The following ADAP1 variants were observed in gnomAD, a reference collection of about 807,000 sequenced individuals.
The protein encoded by ADAP1 is arf-GAP with dual PH domain-containing protein 1.
In ADAP1, 31 loss-of-function variants were observed where a neutral mutation model predicts 54.9. The ratio of observed to expected loss-of-function variants is 0.56; its 90% CI spans 0.42 to 0.76. The LOEUF (loss-of-function observed/expected upper bound fraction) is 0.76, where lower values mean the gene tolerates loss of function less well. ADAP1 is among the 30% of genes least tolerant of loss of function. The pLI, the probability that ADAP1 is intolerant of heterozygous loss-of-function variation, is 0.00. For synonymous variants in ADAP1, 313 were observed against 202.6 expected (o/e 1.55, Z -4.63); for missense variants, 535 against 512.4 (o/e 1.04, Z -0.42).
Position 928,559 on chromosome 7 carries a change from G to A in ADAP1, c.214-1915C>T, listed in dbSNP as rs555970335. On this transcript the variant is annotated intron_variant, in intron 2 of 10. Transcript: ENST00000265846. ...CCTAAAAATGGGGAAGGATTTGATC[G>A]GACATTTCTCCAAAGAAGATGCACA... Among the ~76,000 whole-genome samples the A allele has an allele frequency of 1.4e-4, 22 of 152,298 alleles. No homozygotes were observed. The South Asian group carries it at 3.3e-3, about 23-fold the overall frequency.
intron 1 of ADAP1, among the ~76,000 whole-genome samples, chr7:950,874 A>C (rs1399647289): frequency 1.3e-5 from 2 of 151,096 alleles, no homozygotes; most frequent in East Asian, 3.9e-4. Context: ...AAAAAAAAAA[A>C]AAAACAAGAA....
At position 905,278 on chromosome 7, in the gene ADAP1, ACACGGAC is replaced by A. The variant is rs1562911090; in HGVS notation, c.389-113_389-107del. ...GGGACATGGGGAGAAGACACGGGGG[ACACGGAC>A]GGGGGACACGGACAGGGGGAGACGG... is the stretch of plus-strand genomic sequence containing the variant. On this transcript the variant is annotated intron_variant, in intron 4 of 10. Coordinates refer to ENST00000265846, the MANE Select transcript of ADAP1 (RefSeq NM_006869.4). The A allele has an allele frequency of 2.3e-4, 80 of 350,186 alleles. 11 individuals carry two copies. The African/African-American group carries it at 4.9e-3, about 21-fold the overall frequency. 21.7% of individuals were successfully genotyped at this position (350,186 alleles called of 1,614,324 possible).
intron 1 of ADAP1, among the ~76,000 whole-genome samples, chr7:949,022 G>A (rs1583191124): frequency 1.3e-5 from 2 of 152,022 alleles, no homozygotes; most frequent in South Asian, 4.2e-4. Context: ...CTCTACCCTC[G>A]GCCCTCCTTG....
intron 3 of ADAP1, among the ~76,000 whole-genome samples, chr7:924,673 G>C (rs181511646): frequency 6.6e-6 from 1 of 150,704 alleles, no homozygotes; most frequent in East Asian, 2.0e-4. Context: ...GTGGGTGTCA[G>C]CCCTGGGAGT....
intron 1 of ADAP1, among the ~76,000 whole-genome samples, chr7:952,836 A>T (rs1847303767): frequency 6.6e-6 from 1 of 152,114 alleles, no homozygotes; most frequent in African/African-American, 2.4e-5. Context: ...ACGGCAGAGA[A>T]CAGCTCTGGG....
chr7:920,225 G>T lies in ADAP1; in HGVS notation c.306-175C>A, dbSNP rs111833505. On this transcript the variant is annotated intron_variant, in intron 3 of 10. Coordinates refer to ENST00000265846, the MANE Select transcript of ADAP1 (RefSeq NM_006869.4). The surrounding 1 kb of genome is among the most constrained non-coding windows in gnomAD (Gnocchi z 4.5). ...GAAATGCAGGGTCAGCCTCCTGCCC[G>T]GGACGCTTCTCACTCTGATATTAGT... 0.011 allele frequency among the ~76,000 whole-genome samples: 1,636 copies of T among 152,220 alleles called. 29 individuals carry two copies. Among genetic ancestry groups the T allele is most frequent in the African/African-American group, 0.038 (1,577 of 41,520 alleles).
At chr7:929,461 G>A (rs533105497) in intron 2 of ADAP1, among the ~76,000 whole-genome samples, 3 of 148,838 alleles carry the variant, frequency 2.0e-5, no homozygotes, top group African/African-American at 5.0e-5. Context: ...TGGGAGGATC[G>A]CTTGAGCCTG....
chr7:910,270 C>CA, intron 4 of ADAP1, among the ~76,000 whole-genome samples: 1 of 145,194 alleles, frequency 6.9e-6, no homozygotes. Flanking sequence ...GTTTACGAGG[C>CA]TTTTTTTTTT....
At chr7:903,731 A>G (rs2128634881) in intron 6 of ADAP1, among the ~76,000 whole-genome samples, 1 of 152,136 alleles carries the variant, frequency 6.6e-6, no homozygotes, top group Admixed American at 6.5e-5. Flanking sequence ...GCTACCGTCC[A>G]CATCTCCTCC....
Position 920,073 on chromosome 7 carries a change from G to T in ADAP1, c.306-23C>A. The T allele has an allele frequency of 6.2e-7, 1 of 1,600,350 alleles. No homozygotes were observed. ...AGCCTGTGGGGAGAGGAGAGACTGA[G>T]CCACTGGGCCAAGGCGGCCTCCGAC... On this transcript the variant is annotated intron_variant, in intron 3 of 10. Coordinates refer to ENST00000265846, the MANE Select transcript of ADAP1 (RefSeq NM_006869.4). This position sits in a 1 kb window ranked among gnomAD's most constrained non-coding sequence, Gnocchi z 4.5.
intron 4 of ADAP1, among the ~76,000 whole-genome samples, chr7:915,934 T>C (rs139409047): frequency 2.5e-4 from 36 of 145,174 alleles, no homozygotes; most frequent in East Asian, 5.0e-4. Flanking sequence ...TTCCACGAGA[T>C]GCCGTCTGCC....
intron 4 of ADAP1, among the ~76,000 whole-genome samples, chr7:905,840 GA>G (rs1415837911): frequency 1.9e-5 from 1 of 53,184 alleles, no homozygotes; most frequent in Non-Finnish European, 4.8e-5. Flanking sequence ...AGGGAGAAGG[GA>G]GAAGGGAGAA....
chr7:911,793 G>C (rs1261250660), intron 4 of ADAP1, among the ~76,000 whole-genome samples: 9 of 145,266 alleles, frequency 6.2e-5, no homozygotes, highest in African/African-American at 1.8e-4. Context: ...GGGTCCCACG[G>C]AGGGCCAGGA....
intron 1 of ADAP1, among the ~76,000 whole-genome samples, chr7:940,328 T>A (rs1846908929): frequency 9.4e-6 from 1 of 106,580 alleles, no homozygotes; most frequent in Admixed American, 9.2e-5. Context: ...TCACAGACCC[T>A]GTCACACACA....
At chr7:910,040 C>T (rs899162549) in intron 4 of ADAP1, among the ~76,000 whole-genome samples, 1 of 151,648 alleles carries the variant, frequency 6.6e-6, no homozygotes, top group African/African-American at 2.4e-5. Context: ...TCGCCATGAC[C>T]CACGAGAACG....
intron 4 of ADAP1, among the ~76,000 whole-genome samples, chr7:915,343 A>G (rs4596552): frequency 0.43 from 65,778 of 152,044 alleles, 14,912 homozygotes; most frequent in East Asian, 0.63. Flanking sequence ...CCTCACACCC[A>G]TCCAGGGGAG....
At position 926,834 on chromosome 7, in the gene ADAP1, T is replaced by C. The variant is rs541231378; in HGVS notation, c.214-190A>G. ...CATTTCTGAGTGATCGACCCTCCCC[T>C]GGGACAGGGAAGGAGCCAGCGTCCC... On this transcript the variant is annotated intron_variant, in intron 2 of 10. Transcript: ENST00000265846. The surrounding 1 kb of genome is among the most constrained non-coding windows in gnomAD (Gnocchi z 4.6). 2.9e-4 allele frequency: 216 copies of C among 757,174 alleles called. No individual in the cohort carries two copies. The South Asian group carries it at 4.3e-3, about 15-fold the overall frequency. The allele number at this position is 757,174 out of a possible 1,614,324, so 46.9% of individuals were successfully genotyped here. A position where few individuals can be genotyped will look rare whatever the true frequency, so the allele number is the denominator to read the frequency against.
At chr7:923,998 A>G (rs2128105996) in intron 3 of ADAP1, among the ~76,000 whole-genome samples, 1 of 151,950 alleles carries the variant, frequency 6.6e-6, no homozygotes, top group African/African-American at 2.4e-5. Context: ...ACAAAATGGC[A>G]GGATGTAGGC....
At chr7:942,618 GA>G (rs1461612088) in intron 1 of ADAP1, among the ~76,000 whole-genome samples, 2 of 47,352 alleles carry the variant, frequency 4.2e-5, no homozygotes, top group African/African-American at 7.1e-5. Context: ...GAGGAAGGGA[GA>G]GAGGAGGAGG....
Sources: allele counts gnomAD v4.1 joint callset (sites outside exome capture counted in the v4.1 genomes callset), GRCh38; gene constraint gnomAD v4.1.1; non-coding constraint Gnocchi (gnomAD v3.1); transcripts MANE v1.5; gene names NCBI Gene and HGNC (gene_info 2026-07-23, HGNC 2026-07-21).